EVC2: variants seen among roughly 807,000 people sequenced by gnomAD.
EVC2 encodes EvC ciliary complex subunit 2.
A neutral mutation model predicts 149.3 loss-of-function variants in EVC2; 148 were observed. The ratio of observed to expected loss-of-function variants is 0.99; its 90% CI spans 0.87 to 1.14. EVC2 has a LOEUF of 1.14. Ranked by LOEUF, EVC2 falls within the 50% of genes most tolerant of loss-of-function variation. The pLI is 0.00. For synonymous variants in EVC2, 776 were observed against 649.9 expected (o/e 1.19, Z -2.95); for missense variants, 1,854 against 1,627.3 (o/e 1.14, Z -2.40).
rs1577158583 is a variant in EVC2 at position 5,614,257 on chromosome 4, A to G, written c.2829+1165T>C. Among the ~76,000 whole-genome samples, 2 of 152,216 alleles carry G rather than the reference A, an allele frequency of 1.3e-5. No homozygotes were observed. Among genetic ancestry groups the G allele is most frequent in the African/African-American group, 4.8e-5 (2 of 41,454 alleles). The stretch of plus-strand genomic sequence containing the variant: ...ACATTATCTAATTTCTTTCCTTAAT[A>G]GCACTGATGACAGTCTATCATTTTA... On this transcript the variant is annotated intron_variant, in intron 16 of 21. Coordinates refer to ENST00000344408, the MANE Select transcript of EVC2 (RefSeq NM_147127.5). The surrounding 1 kb of genome is among the most constrained non-coding windows in gnomAD (Gnocchi z 4.7).
chr4:5,571,425 C>G (rs6825131), intron 19 of EVC2, among the ~76,000 whole-genome samples: 11,782 of 151,058 alleles, frequency 0.078, 796 homozygotes, highest in African/African-American at 0.17. Flanking sequence ...TCCATGTAAC[C>G]AAAAACCACC....
In EVC2 at chr4:5,574,670, C is replaced by A; in HGVS notation, c.3360+15G>T. 1.2e-6 allele frequency: 2 copies of A among 1,613,744 alleles called. No individual in the cohort carries two copies. Among genetic ancestry groups the A allele is most frequent in the Non-Finnish European group, 1.7e-6 (2 of 1,179,656 alleles). The stretch of plus-strand genomic sequence containing the variant: ...TGGCAAGGGGTGGCCTCAGACCCTG[C>A]CAGTACCTTCTCACCTGGCTGCACA... On this transcript the variant is annotated intron_variant, in intron 19 of 21. Transcript: ENST00000344408.
intron 21 of EVC2, among the ~76,000 whole-genome samples, chr4:5,549,466 CA>C (rs1721693101): frequency 6.6e-6 from 1 of 152,240 alleles, no homozygotes; most frequent in Non-Finnish European, 1.5e-5. Context: ...CCCATTCTGC[CA>C]CACAGATTTT....
intron 1 of EVC2, among the ~76,000 whole-genome samples, chr4:5,705,173 AC>A (rs2151746479): frequency 6.6e-6 from 1 of 152,350 alleles, no homozygotes; most frequent in African/African-American, 2.4e-5. Context: ...AACCTAAATT[AC>A]TGTTGTGTGG....
intron 4 of EVC2, among the ~76,000 whole-genome samples, chr4:5,690,556 C>T (rs1229739061): frequency 6.6e-6 from 1 of 152,218 alleles, no homozygotes; most frequent in Non-Finnish European, 1.5e-5. Context: ...CTCATGGGTG[C>T]TCCATGCCTA....
At chr4:5,604,940 C>T (rs1393682281) in intron 16 of EVC2, among the ~76,000 whole-genome samples, 1 of 151,964 alleles carries the variant, frequency 6.6e-6, no homozygotes, top group African/African-American at 2.4e-5. Context: ...CAAGACCAAT[C>T]CTTCCTCTTA....
chr4:5,672,991 G>A (rs1435775977), intron 7 of EVC2, among the ~76,000 whole-genome samples: 3 of 152,216 alleles, frequency 2.0e-5, no homozygotes, highest in Admixed American at 1.3e-4. Context: ...GGGGCTGGGG[G>A]AGAAGGAAAT....
the EVC2 span, among the ~76,000 whole-genome samples, chr4:5,531,456 A>G: frequency 6.6e-6 from 1 of 152,208 alleles, no homozygotes; most frequent in South Asian, 2.1e-4. Context: ...ACTGGGCCAT[A>G]CAACAGGAGG....
intron 7 of EVC2, among the ~76,000 whole-genome samples, chr4:5,681,044 T>C (rs1346295784): frequency 6.6e-6 from 1 of 152,168 alleles, no homozygotes; most frequent in African/African-American, 2.4e-5. Flanking sequence ...GCCCACGGCC[T>C]ACCTGCCTTG....
At chr4:5,562,348 T>C, downstream of EVC2, 1 of 728,120 alleles carries the variant, frequency 1.4e-6, no homozygotes, top group Non-Finnish European at 1.7e-6. This position sits in a 1 kb window ranked among gnomAD's most constrained non-coding sequence, Gnocchi z 4.3. Context: ...CGAATCTCTC[T>C]ATTGAACACC....
downstream of EVC2, among the ~76,000 whole-genome samples, chr4:5,539,517 C>A (rs1294429984): frequency 6.6e-6 from 1 of 152,088 alleles, no homozygotes; most frequent in Non-Finnish European, 1.5e-5. Flanking sequence ...ATACATCTAA[C>A]ACAACCTGAT....
chr4:5,591,484 C>T (rs1176094340), intron 16 of EVC2, among the ~76,000 whole-genome samples: 1 of 152,106 alleles, frequency 6.6e-6, no homozygotes, highest in African/African-American at 2.4e-5. Flanking sequence ...GGTGGTGGTC[C>T]AAGTGTCCCA....
intron 20 of EVC2, among the ~76,000 whole-genome samples, chr4:5,566,137 G>A (rs1032562852): frequency 3.9e-5 from 6 of 152,272 alleles, no homozygotes; most frequent in African/African-American, 1.4e-4. Flanking sequence ...GGCGAAGCCT[G>A]GAAGGTGGGC....
chr4:5,694,092 C>G (rs961779731), intron 3 of EVC2, among the ~76,000 whole-genome samples: 4 of 152,164 alleles, frequency 2.6e-5, no homozygotes, highest in African/African-American at 9.7e-5. Context: ...TTCAGAAACA[C>G]CAGATGAGGC....
chr4:5,543,011 C>T (rs556482124), intron 22 of EVC2: 34 of 579,558 alleles, frequency 5.9e-5, no homozygotes, highest in Middle Eastern at 3.4e-4. Flanking sequence ...TTAAGTGATG[C>T]GGGCAGAGCA....
At chr4:5,616,517 G>A (rs557150442) in intron 15 of EVC2, among the ~76,000 whole-genome samples, 10 of 152,330 alleles carry the variant, frequency 6.6e-5, no homozygotes, top group Admixed American at 3.3e-4. Flanking sequence ...ACAACGGTGG[G>A]TGAGAACGGC....
chr4:5,592,518 GGTT>G (rs931561941), intron 16 of EVC2, among the ~76,000 whole-genome samples: 1 of 152,192 alleles, frequency 6.6e-6, no homozygotes, highest in African/African-American at 2.4e-5. Context: ...ATGGTCAAGT[GGTT>G]GTTAACTGCC....
At chr4:5,591,349 C>T (rs1712776463) in intron 16 of EVC2, among the ~76,000 whole-genome samples, 1 of 152,184 alleles carries the variant, frequency 6.6e-6, no homozygotes, top group Non-Finnish European at 1.5e-5. Context: ...TAAAGGTCTC[C>T]TTCCCAAATT....
chr4:5,634,773 C>A (rs1173972673), intron 10 of EVC2, among the ~76,000 whole-genome samples: 1 of 152,076 alleles, frequency 6.6e-6, no homozygotes, highest in Non-Finnish European at 1.5e-5. Flanking sequence ...GGGAGGCACA[C>A]CCCTGGGCCT....
Sources: allele counts gnomAD v4.1 joint callset (sites outside exome capture counted in the v4.1 genomes callset), GRCh38; gene constraint gnomAD v4.1.1; non-coding constraint Gnocchi (gnomAD v3.1); transcripts MANE v1.5; gene names NCBI Gene and HGNC (gene_info 2026-07-23, HGNC 2026-07-21).